VPS8: variants seen among roughly 807,000 people sequenced by gnomAD.
VPS8 encodes the protein VPS8 subunit of CORVET complex, also known as vacuolar protein sorting-associated protein 8 homolog.
In VPS8, 129 loss-of-function variants were observed where a neutral mutation model predicts 216.4. The observed-to-expected ratio is 0.60, with a 90% CI of 0.52 to 0.69. VPS8 has a LOEUF of 0.69. VPS8 is among the 30% of genes least tolerant of loss of function. VPS8 has a pLI of 0.00. For missense variants in VPS8, 1,531 were observed against 1,683.5 expected (o/e 0.91, Z 1.59); for synonymous variants, 571 against 565.4 (o/e 1.01, Z -0.14).
At chr3:184,872,227 T>A (rs904120277) in intron 21 of VPS8, among the ~76,000 whole-genome samples, 1 of 152,012 alleles carries the variant, frequency 6.6e-6, no homozygotes, top group South Asian at 2.1e-4. Flanking sequence ...AGGTATACTT[T>A]GTTGAAAAAA....
At chr3:184,954,250 A>G (rs1253551562) in intron 36 of VPS8, among the ~76,000 whole-genome samples, 2 of 152,180 alleles carry the variant, frequency 1.3e-5, no homozygotes, top group African/African-American at 4.8e-5. Context: ...GACCCTCCAC[A>G]TGTTCAGTGA....
chr3:184,844,395 TG>T (rs1200897462), intron 8 of VPS8, among the ~76,000 whole-genome samples: 11 of 151,934 alleles, frequency 7.2e-5, no homozygotes, highest in African/African-American at 2.4e-4. Context: ...CACTCCAGCC[TG>T]GGTGACAGAG....
intron 37 of VPS8, 65 bp from the exon 38 acceptor site, chr3:184,964,403 A>C: frequency 9.7e-7 from 1 of 1,025,702 alleles, no homozygotes; most frequent in Admixed American, 3.2e-5. Context: ...TTCATCCTCA[A>C]TGGGATCTTC....
intron 25 of VPS8, among the ~76,000 whole-genome samples, chr3:184,906,879 T>A (rs987493141): frequency 2.0e-5 from 3 of 152,222 alleles, no homozygotes; most frequent in Non-Finnish European, 4.4e-5. Context: ...AATTGTGTTT[T>A]CTTTGGAGGG....
At chr3:184,925,811 T>C (rs1412666057) in intron 30 of VPS8, among the ~76,000 whole-genome samples, 1 of 148,942 alleles carries the variant, frequency 6.7e-6, no homozygotes, top group Non-Finnish European at 1.5e-5. Flanking sequence ...TCTGGCTCTG[T>C]CGCCTAGGCT....
chr3:184,913,670 A>G, intron 26 of VPS8, 109 bp downstream of exon 26: 3 of 882,744 alleles, frequency 3.4e-6, no homozygotes, highest in Non-Finnish European at 3.3e-6. Flanking sequence ...ATTTTGCACA[A>G]TTCTTTTATG....
At chr3:184,872,112 A>G (rs1395103965) in intron 21 of VPS8, among the ~76,000 whole-genome samples, 1 of 152,178 alleles carries the variant, frequency 6.6e-6, no homozygotes. Flanking sequence ...ACAATACTTT[A>G]TATATAAGTA....
At chr3:185,007,380 G>A (rs974863947) in intron 45 of VPS8, among the ~76,000 whole-genome samples, 4 of 152,110 alleles carry the variant, frequency 2.6e-5, no homozygotes, top group African/African-American at 7.2e-5. Flanking sequence ...TTTCACCTTT[G>A]ATTATTCCTA....
intron 43 of VPS8, among the ~76,000 whole-genome samples, chr3:184,995,068 G>A (rs763497547): frequency 3.3e-5 from 5 of 152,204 alleles, no homozygotes; most frequent in East Asian, 1.9e-4. Flanking sequence ...CCCACCACAC[G>A]TGGTAATTCA....
intron 31 of VPS8, 47 bp downstream of exon 31, chr3:184,926,697 T>A: frequency 6.5e-7 from 1 of 1,542,130 alleles, no homozygotes; most frequent in Non-Finnish European, 8.8e-7. Flanking sequence ...GAAAGAAGAG[T>A]AAGCCAGAAA....
intron 45 of VPS8, among the ~76,000 whole-genome samples, chr3:185,016,294 A>G (rs925611975): frequency 2.6e-5 from 4 of 152,246 alleles, no homozygotes; most frequent in African/African-American, 4.8e-5. Context: ...GTCAGAAGCT[A>G]TAGTTAAACC....
chr3:184,917,757 A>C (rs1310224097), intron 28 of VPS8, among the ~76,000 whole-genome samples: 1 of 152,224 alleles, frequency 6.6e-6, no homozygotes, highest in Non-Finnish European at 1.5e-5. Context: ...GCCTTTTAGG[A>C]AGAAAAATAT....
chr3:184,909,514 C>T (rs545334657), intron 25 of VPS8, among the ~76,000 whole-genome samples: 1 of 152,226 alleles, frequency 6.6e-6, no homozygotes, highest in Admixed American at 6.5e-5. Context: ...TTCATTTGCT[C>T]TTAACTCCTT....
At chr3:184,835,603 C>T (rs1720890790) in intron 5 of VPS8, among the ~76,000 whole-genome samples, 1 of 151,954 alleles carries the variant, frequency 6.6e-6, no homozygotes. Flanking sequence ...ATGATAATGA[C>T]AGATTTATAC....
intron 14 of VPS8, among the ~76,000 whole-genome samples, chr3:184,859,538 A>G (rs1248382171): frequency 6.6e-6 from 1 of 152,134 alleles, no homozygotes; most frequent in Non-Finnish European, 1.5e-5. Flanking sequence ...CATAGTATAC[A>G]TTTTCCATGA....
chr3:184,860,295 G>T (rs542145257), intron 15 of VPS8, among the ~76,000 whole-genome samples: 32 of 151,462 alleles, frequency 2.1e-4, no homozygotes, highest in African/African-American at 7.0e-4. Flanking sequence ...GATCGCTCCT[G>T]TGACTAGTCA....
intron 3 of VPS8, among the ~76,000 whole-genome samples, chr3:184,829,978 G>A (rs1719641946): frequency 6.6e-6 from 1 of 151,850 alleles, no homozygotes. Context: ...TCTATTAATG[G>A]TTTCTTTTGA....
At chr3:184,866,977 T>G (rs756919254) in intron 17 of VPS8, 27 bp downstream of exon 17, 4 of 1,603,680 alleles carry the variant, frequency 2.5e-6, no homozygotes, top group Non-Finnish European at 3.4e-6. Context: ...TGTGAGTTGG[T>G]ATTTGTATGT....
chr3:185,017,947 C>T (rs1309154306), intron 45 of VPS8, among the ~76,000 whole-genome samples: 1 of 152,190 alleles, frequency 6.6e-6, no homozygotes, highest in Non-Finnish European at 1.5e-5. Flanking sequence ...TCAGGCTCAG[C>T]AGTTTTCATT....
Sources: allele counts gnomAD v4.1 joint callset (sites outside exome capture counted in the v4.1 genomes callset), GRCh38; gene constraint gnomAD v4.1.1; transcripts MANE v1.5; gene names NCBI Gene and HGNC (gene_info 2026-07-23, HGNC 2026-07-21).